The following ERC1 variants were observed in gnomAD, a reference collection of about 807,000 sequenced individuals.
ERC1 encodes ELKS/RAB6-interacting/CAST family member 1.
Under a neutral mutation model 132.0 loss-of-function variants are expected in ERC1, and 56 were observed. The ratio of observed to expected loss-of-function variants is 0.42; its 90% CI spans 0.34 to 0.53. The LOEUF (loss-of-function observed/expected upper bound fraction) is 0.53, where lower values mean the gene tolerates loss of function less well. Ranked by LOEUF, ERC1 falls within the 20% of genes least tolerant of loss-of-function variation. The pLI is 0.03. For synonymous variants in ERC1, 478 were observed against 476.1 expected, an observed-to-expected ratio of 1.00 and a Z score of -0.05; for missense variants, 1,202 against 1,349.9, an observed-to-expected ratio of 0.89 and a Z score of 1.72.
At chr12:1,475,099 C>G (rs1309282055) in intron 18 of ERC1, among the ~76,000 whole-genome samples, 1 of 152,166 alleles carries the variant, frequency 6.6e-6, no homozygotes, top group Non-Finnish European at 1.5e-5. Flanking sequence ...CAGAGGCCAC[C>G]TTCGTATCCT....
At chr12:1,342,468 C>CA (rs567114711) in intron 15 of ERC1, among the ~76,000 whole-genome samples, 17,511 of 113,180 alleles carry the variant, frequency 0.15, 1,493 homozygotes, top group African/African-American at 0.27. Flanking sequence ...AACTCTGTCT[C>CA]AAAAAAAAAA....
rs35154892 is a variant in ERC1, at chr12:1,093,942, AAT to A, written c.1086+10371_1086+10372del. 6.7e-3 allele frequency among the ~76,000 whole-genome samples: 341 copies of A among 50,810 alleles called. 8 individuals carry two copies. The highest frequency in any genetic ancestry group is 0.06 in the Admixed American group (246 of 4,104). 33.3% of individuals were successfully genotyped at this position (50,810 alleles called of 152,430 possible). ...ATATAAATGTATATTTTTCTATATA[AAT>A]ATATATATTTTTCTATATATATATA... is the stretch of plus-strand genomic sequence containing the variant. On this transcript the variant is annotated intron_variant, in intron 3 of 18. Transcript: ENST00000360905.
chr12:1,378,937 C>G (rs975354561), intron 16 of ERC1, among the ~76,000 whole-genome samples: 2 of 152,070 alleles, frequency 1.3e-5, no homozygotes, highest in Admixed American at 6.5e-5. Context: ...GACAAATACA[C>G]TATCAAAGGG....
At chr12:1,427,390 C>T (rs973949578) in intron 17 of ERC1, among the ~76,000 whole-genome samples, 1 of 152,188 alleles carries the variant, frequency 6.6e-6, no homozygotes, top group African/African-American at 2.4e-5. Flanking sequence ...GAAAAAGAAT[C>T]GTCCATAATC....
intron 16 of ERC1, among the ~76,000 whole-genome samples, chr12:1,405,184 A>AATAAAT (rs1555394312): frequency 1.5e-5 from 2 of 133,294 alleles, no homozygotes; most frequent in African/African-American, 5.9e-5. Context: ...AATAAATATA[A>AATAAAT]ATAAAATAAT....
chr12:1,289,078 G>A, intron 14 of ERC1, among the ~76,000 whole-genome samples: 1 of 88,796 alleles, frequency 1.1e-5, no homozygotes, highest in Admixed American at 1.2e-4. Context: ...CTTTCTATCT[G>A]GTATGTACAC....
At chr12:1,188,627 A>G (rs1002268444) in intron 11 of ERC1, among the ~76,000 whole-genome samples, 1 of 152,194 alleles carries the variant, frequency 6.6e-6, no homozygotes, top group East Asian at 1.9e-4. Flanking sequence ...ATTTTTTTCT[A>G]CACATGTGAA....
intron 18 of ERC1, among the ~76,000 whole-genome samples, chr12:1,489,883 C>T (rs1332588660): frequency 6.6e-6 from 1 of 152,200 alleles, no homozygotes; most frequent in Non-Finnish European, 1.5e-5. Flanking sequence ...AAATGATCAG[C>T]TTTCGGCCTA....
intron 17 of ERC1, among the ~76,000 whole-genome samples, chr12:1,442,224 G>A (rs1027105463): frequency 4.6e-5 from 7 of 152,088 alleles, no homozygotes; most frequent in Admixed American, 2.0e-4. Context: ...CACCATGCCC[G>A]ACCACAAGTA....
chr12:1,180,481 G>T, intron 8 of ERC1, 59 bp from the exon 9 acceptor site: 1 of 1,498,090 alleles, frequency 6.7e-7, no homozygotes. Context: ...GATTTTGATT[G>T]TGCTATTGTT....
In ERC1 at chr12:1,255,621, C is replaced by CTTTTGTTTTTTTTT. The variant is rs1566399460; in HGVS notation, c.2488-7409_2488-7408insGTTTTTTTTTTTTT. The stretch of plus-strand genomic sequence containing the variant: ...TCTTCAGCATCTGTTGCTTCCTGGC[C>CTTTTGTTTTTTTTT]TTTTTTTTTTTTTTTTTTTTTTTTT... On this transcript the variant is annotated intron_variant, in intron 13 of 18. Coordinates refer to ENST00000360905, the MANE Select transcript of ERC1 (RefSeq NM_178040.4). Among the ~76,000 whole-genome samples the CTTTTGTTTTTTTTT allele has an allele frequency of 4.9e-5, 3 of 61,556 alleles. 1 individual carries two copies. Among genetic ancestry groups the CTTTTGTTTTTTTTT allele is most frequent in the African/African-American group, 1.8e-4 (3 of 16,672 alleles). 40.4% of individuals were successfully genotyped at this position (61,556 alleles called of 152,430 possible).
In ERC1 at chr12:1,138,267, TATA is replaced by T. The variant is rs548495956; in HGVS notation, c.1570-3350_1570-3348del. ...ACAATATATGATATATATTATATAATATAATTACAATATATGATATATATTATA... is the reference window on the plus strand; with the variant it reads ...ACAATATATGATATATATTATATAATATTACAATATATGATATATATTATA... On this transcript the variant is annotated intron_variant, in intron 7 of 18. Transcript: ENST00000360905. 2.2e-3 allele frequency among the ~76,000 whole-genome samples: 297 copies of T among 134,072 alleles called. 1 individual carries two copies. The highest frequency in any genetic ancestry group is 7.2e-3 in the African/African-American group (258 of 35,868). 88.0% of individuals were successfully genotyped at this position (134,072 alleles called of 152,430 possible).
rs374082854 is a variant in ERC1 at position 1,471,041 on chromosome 12, T to C, written c.3214-19052T>C. On this transcript the variant is annotated intron_variant, in intron 18 of 18. Coordinates refer to ENST00000360905, the MANE Select transcript of ERC1 (RefSeq NM_178040.4). ...TATTTTTTTAATTCCCATTTTTGTCTTTTATAGTCATGTTTTCTGTTCTCT... is the reference window on the plus strand; with the variant it reads ...TATTTTTTTAATTCCCATTTTTGTCCTTTATAGTCATGTTTTCTGTTCTCT... 3.9e-5 allele frequency among the ~76,000 whole-genome samples: 6 copies of C among 152,330 alleles called. No homozygotes were observed. The East Asian group carries it at 7.7e-4, about 20-fold the overall frequency.
At chr12:1,385,527 C>T (rs981860376) in intron 16 of ERC1, among the ~76,000 whole-genome samples, 5 of 152,220 alleles carry the variant, frequency 3.3e-5, no homozygotes, top group Admixed American at 2.0e-4. Context: ...CTCGTGATAA[C>T]GCCCGCCTCA....
At chr12:1,485,454 T>C (rs972947421) in intron 18 of ERC1, among the ~76,000 whole-genome samples, 3 of 151,610 alleles carry the variant, frequency 2.0e-5, no homozygotes, top group Non-Finnish European at 2.9e-5. Flanking sequence ...CTGCCCACCT[T>C]GGCCTCCTAA....
chr12:1,270,580 T>G (rs1302853854), intron 14 of ERC1, among the ~76,000 whole-genome samples: 1 of 151,956 alleles, frequency 6.6e-6, no homozygotes, highest in Non-Finnish European at 1.5e-5. Context: ...AAAAGTCCCA[T>G]TAATCTCATT....
intron 17 of ERC1, among the ~76,000 whole-genome samples, chr12:1,414,011 G>A (rs144661255): frequency 2.0e-5 from 3 of 152,280 alleles, no homozygotes; most frequent in Admixed American, 6.5e-5. Context: ...CTCATCAGGA[G>A]CGTGCAACCT....
intron 18 of ERC1, among the ~76,000 whole-genome samples, chr12:1,451,564 G>T (rs2093426003): frequency 1.3e-5 from 2 of 152,168 alleles, no homozygotes; most frequent in African/African-American, 2.4e-5. Context: ...GTTCAAGATT[G>T]CAGTGAGCTA....
chr12:1,421,235 A>G (rs1044178709), intron 17 of ERC1, among the ~76,000 whole-genome samples: 1 of 152,140 alleles, frequency 6.6e-6, no homozygotes, highest in Non-Finnish European at 1.5e-5. Context: ...CTGTGCTTTT[A>G]CTCGCTCAGC....
Sources: gnomAD v4.1 joint callset for allele counts (sites outside exome capture counted in the v4.1 genomes callset) on GRCh38, gnomAD v4.1.1 for gene constraint, MANE v1.5 for transcripts, NCBI Gene and HGNC (gene_info 2026-07-23, HGNC 2026-07-21) for gene names.